Variants in DPP8 observed in about 807,000 individuals in gnomAD.
DPP8 encodes dipeptidyl peptidase 8.
A neutral mutation model predicts 107.5 loss-of-function variants in DPP8; 31 were observed. The observed-to-expected ratio is 0.29, with a 90% CI of 0.22 to 0.39. DPP8 has a LOEUF of 0.39. Ranked by LOEUF, DPP8 falls within the 10% of genes least tolerant of loss-of-function variation. The pLI, the probability that DPP8 is intolerant of heterozygous loss-of-function variation, is 1.00. For missense variants in DPP8, 842 were observed against 1,076.1 expected (o/e 0.78, Z 3.04); for synonymous variants, 381 against 356.6 (o/e 1.07, Z -0.77).
intron 13 of DPP8, 72 bp from the exon 14 acceptor site, chr15:65,466,885 T>C: frequency 6.8e-7 from 1 of 1,469,700 alleles, no homozygotes; most frequent in Non-Finnish European, 9.4e-7. Context: ...ACATCTGCAC[T>C]AATGATATAG....
intron 14 of DPP8, among the ~76,000 whole-genome samples, chr15:65,464,346 G>A (rs2065164049): frequency 1.3e-5 from 2 of 151,262 alleles, no homozygotes; most frequent in Admixed American, 1.3e-4. Flanking sequence ...CTGGGTGACA[G>A]AGCGAGACTC....
rs77981847 is a variant in DPP8, at chr15:65,494,842, T to G, written c.715+3022A>C. ...TCCTTACTCCATCCCCTTTTCTCTA[T>G]CCTATGCTCTAGATTTAGGCCATAT... On this transcript the variant is annotated intron_variant, in intron 5 of 19. Transcript: ENST00000300141. Among the ~76,000 whole-genome samples the G allele has an allele frequency of 5.6e-3, 847 of 152,198 alleles. 7 individuals are homozygous for G. The highest frequency in any genetic ancestry group is 0.02 in the African/African-American group (814 of 41,524).
chr15:65,475,423 T>C (rs2066293302), intron 11 of DPP8: 4 of 1,572,260 alleles, frequency 2.5e-6, no homozygotes, highest in Admixed American at 3.4e-5. Context: ...CACTCAAATA[T>C]ACCTTATTAT....
intron 9 of DPP8, 56 bp downstream of exon 9, chr15:65,481,459 T>G: frequency 1.6e-6 from 2 of 1,231,194 alleles, no homozygotes; most frequent in Non-Finnish European, 2.3e-6. Flanking sequence ...GCACAAATAT[T>G]CCAAAGCTCT....
chr15:65,500,301 C>T (rs912166619), intron 4 of DPP8, among the ~76,000 whole-genome samples: 5 of 151,904 alleles, frequency 3.3e-5, no homozygotes, highest in African/African-American at 1.2e-4. Context: ...GCCTGTAGTC[C>T]CAGCTACTTG....
chr15:65,454,412 G>T lies in DPP8; in HGVS notation c.2122C>A (p.Gln708Lys). The change falls in exon 17 of 20, where the codon CAA (glutamine) becomes AAA (lysine). Residue 708 changes from glutamine to lysine, a missense_variant. This residue lies in a region of DPP8 where 179 missense variants were observed against 318.0 expected (regional missense o/e 0.56). Coordinates refer to ENST00000300141, the MANE Select transcript of DPP8 (RefSeq NM_130434.5). ...TCCACCTGATCGTCAATTTCTATTT[G>T]ACCCTGTCAAAAAAGGGAGAACATT... ...FEGAFKYKMG[Q>K]IEIDDQVEGL... 6.3e-7 allele frequency: 1 copy of T among 1,587,296 alleles called. No individual in the cohort carries two copies. Among genetic ancestry groups the T allele is most frequent in the South Asian group, 1.2e-5 (1 of 84,956 alleles).
intron 1 of DPP8, among the ~76,000 whole-genome samples, chr15:65,514,390 A>G (rs1393001678): frequency 6.6e-6 from 1 of 152,328 alleles, no homozygotes; most frequent in East Asian, 1.9e-4. Context: ...ATATTTACTG[A>G]CAGTATAAGA....
At chr15:65,447,821 T>C (rs1171568790) in intron 19 of DPP8, among the ~76,000 whole-genome samples, 3 of 152,178 alleles carry the variant, frequency 2.0e-5, no homozygotes, top group Non-Finnish European at 4.4e-5. Context: ...GAGTTAGAAT[T>C]TTGGAAAACT....
chr15:65,490,172 AT>A lies in DPP8; in HGVS notation c.826+16del. The A allele has an allele frequency of 7.9e-7, 1 of 1,271,380 alleles. No individual in the cohort carries two copies. The highest frequency in any genetic ancestry group is 1.2e-6 in the Non-Finnish European group (1 of 868,682). 78.8% of individuals were successfully genotyped at this position (1,271,380 alleles called of 1,614,324 possible). A position where few individuals can be genotyped will look rare whatever the true frequency, so the allele number is the denominator to read the frequency against. On this transcript the variant is annotated intron_variant, in intron 6 of 19. Transcript: ENST00000300141. ...TACTTTAATTGACCCATAATATATT[AT>A]TTTGAACCCCCTTACTTGTTTCAGC... is the stretch of plus-strand genomic sequence containing the variant.
intron 5 of DPP8, among the ~76,000 whole-genome samples, chr15:65,496,619 T>C (rs1371104479): frequency 1.3e-5 from 2 of 152,138 alleles, no homozygotes; most frequent in East Asian, 3.8e-4. Context: ...TTTTCTATTA[T>C]GACAATAACT....
intron 4 of DPP8, among the ~76,000 whole-genome samples, chr15:65,500,236 T>C (rs536429897): frequency 6.6e-6 from 1 of 151,910 alleles, no homozygotes; most frequent in African/African-American, 2.4e-5. Flanking sequence ...CTGACCAACA[T>C]GGAGATACCC....
In DPP8 at chr15:65,451,024, C is replaced by T. The variant is rs1204384415; in HGVS notation, c.2501G>A (p.Arg834Lys). The change falls in exon 19 of 20, where the codon AGG becomes AAG. Residue 834 changes from arginine (R) to lysine (K), a missense_variant. Transcript: ENST00000300141. ...HTSILLSFLV[R>K]AGKPYDLQIY... ...CTGTAAATCATATGGCTTTCCAGCC[C>T]TCACTAAAAAACTCAGTAATATACT... 6.2e-7 allele frequency: 1 copy of T among 1,606,024 alleles called. No homozygotes were observed. Among genetic ancestry groups the T allele is most frequent in the African/African-American group, 1.3e-5 (1 of 74,680 alleles).
intron 18 of DPP8, among the ~76,000 whole-genome samples, chr15:65,451,688 T>A (rs928355518): frequency 6.6e-6 from 1 of 151,568 alleles, no homozygotes; most frequent in Non-Finnish European, 1.5e-5. Context: ...ACTTTGGGAG[T>A]CTGAGGTGGG....
At chr15:65,499,211 A>G (rs1420750941) in intron 4 of DPP8, among the ~76,000 whole-genome samples, 2 of 151,716 alleles carry the variant, frequency 1.3e-5, no homozygotes, top group Non-Finnish European at 2.9e-5. Flanking sequence ...GGAAGTGGGA[A>G]TTGATGCCCG....
At chr15:65,511,475 C>A (rs1361855145) in intron 2 of DPP8, among the ~76,000 whole-genome samples, 1 of 151,522 alleles carries the variant, frequency 6.6e-6, no homozygotes, top group Non-Finnish European at 1.5e-5. Context: ...AAAACTCCAT[C>A]TCTATTAAAA....
intron 12 of DPP8, among the ~76,000 whole-genome samples, chr15:65,471,459 A>ACCTCAGC (rs1034143927): frequency 1.4e-5 from 2 of 146,582 alleles, no homozygotes. Context: ...CGATCCTCCC[A>ACCTCAGC]CCTCAGCCTC....
chr15:65,512,822 G>C (rs2070967158), intron 1 of DPP8: 1 of 441,224 alleles, frequency 2.3e-6, no homozygotes, highest in Non-Finnish European at 4.0e-6. Context: ...TTTTATAAAA[G>C]GCTCTCCTTA....
intron 1 of DPP8, 187 bp from the exon 2 acceptor site, chr15:65,512,751 GAAATTAAAAAAAAATTGAGGTC>G (rs2070959067): frequency 1.7e-6 from 1 of 604,898 alleles, no homozygotes; most frequent in African/African-American, 1.9e-5. Flanking sequence ...GTTTAAAAAT[GAAATTAAAAAAAAATTGAGGTC>G]AGGTCTACTT....
At chr15:65,472,303 T>G (rs765741325) in intron 12 of DPP8, among the ~76,000 whole-genome samples, 10 of 151,728 alleles carry the variant, frequency 6.6e-5, no homozygotes, top group East Asian at 1.9e-4. Context: ...TATTTATTGG[T>G]TTTTTTTGAG....
Sources: gnomAD v4.1 joint callset for allele counts (sites outside exome capture counted in the v4.1 genomes callset) on GRCh38, gnomAD v4.1.1 for gene constraint, gnomAD v4.1.1 regional missense constraint, MANE v1.5 for transcripts, NCBI Gene and HGNC (gene_info 2026-07-23, HGNC 2026-07-21) for gene names.